Variants in NIBAN3 observed in about 807,000 individuals in gnomAD.
NIBAN3 encodes the protein protein Niban 3.
In NIBAN3, 66 loss-of-function variants were observed where a neutral mutation model predicts 76.4. That is an observed-to-expected ratio of 0.86 (90% CI 0.71 to 1.06). NIBAN3 has a LOEUF of 1.06. NIBAN3 is among the 50% of genes least tolerant of loss of function. The probability of loss-of-function intolerance (pLI) is 0.00; values close to 1 mark genes in which losing one functional copy is unlikely to be tolerated. For synonymous variants in NIBAN3, 360 were observed against 355.2 expected (o/e 1.01, Z -0.15); for missense variants, 808 against 810.7 (o/e 1.00, Z 0.04).
At chr19:17,540,044 G>A (rs372044615) in intron 8 of NIBAN3, 19 of 454,646 alleles carry the variant, frequency 4.2e-5, no homozygotes, top group East Asian at 2.9e-4. Context: ...TACAAAAAGG[G>A]CGGGGCCTCA....
intron 3 of NIBAN3, 143 bp downstream of exon 3, chr19:17,532,531 G>C: frequency 3.7e-6 from 5 of 1,361,226 alleles, no homozygotes; most frequent in Admixed American, 1.7e-5. Flanking sequence ...TATGTGTTTG[G>C]CCTGTTGTAG....
rs1013778573 is a variant in NIBAN3 at position 17,530,901 on chromosome 19, G to C, written c.186+16G>C. 12 of 1,610,520 alleles carry C rather than the reference G, an allele frequency of 7.5e-6. No individual in the cohort carries two copies. The highest frequency in any genetic ancestry group is 1.0e-5 in the Non-Finnish European group (12 of 1,178,754). ...ACGCAGCAAAGTGGGTGTTGTGGGGGCAGAGGACGTTTGAGTGTTAGGGGA... is the reference window on the plus strand; with the variant it reads ...ACGCAGCAAAGTGGGTGTTGTGGGGCCAGAGGACGTTTGAGTGTTAGGGGA... On this transcript the variant is annotated intron_variant, in intron 2 of 14. Transcript: ENST00000599164.
In NIBAN3 at chr19:17,551,830, C is replaced by A; in HGVS notation, c.1795C>A (p.Gln599Lys). 1 of 780,294 alleles carries A rather than the reference C, an allele frequency of 1.3e-6. No homozygotes were observed. The highest frequency in any genetic ancestry group is 2.4e-6 in the Non-Finnish European group (1 of 417,554). 48.3% of individuals were successfully genotyped at this position (780,294 alleles called of 1,614,324 possible). A position where few individuals can be genotyped will look rare whatever the true frequency, so the allele number is the denominator to read the frequency against. Residue 599 changes from glutamine (Q) to lysine (K), a missense_variant, in exon 15 of 15, where the codon CAG becomes AAG. Gln to Lys is a moderately conservative substitution (Grantham distance 53). Coordinates refer to ENST00000599164, the MANE Select transcript of NIBAN3 (RefSeq NM_001321827.2). ...AEREGGACPR[Q>K]PDSGAQIQPL... ...GCGGGAAGGAGGGGCTTGTCCCAGG[C>A]AGCCAGACTCTGGTGCCCAGATCCA... is the stretch of plus-strand genomic sequence containing the variant.
chr19:17,553,871 CT>C (rs368209352), downstream of NIBAN3: 2,196 of 141,038 alleles, frequency 0.016, 5 homozygotes, highest in South Asian at 0.028. Context: ...TTGTTTTTAC[CT>C]TTTTTTTTTT....
chr19:17,537,268 C>A, intron 4 of NIBAN3, 108 bp from the exon 5 acceptor site: 1 of 1,115,522 alleles, frequency 9.0e-7, no homozygotes, highest in Non-Finnish European at 1.3e-6. Flanking sequence ...TGGTATGACT[C>A]ATATTTATCG....
Position 17,552,079 on chromosome 19 carries a change from A to G in NIBAN3, c.*181A>G. 8.4e-6 allele frequency: 3 copies of G among 357,220 alleles called. No homozygotes were observed. Among genetic ancestry groups the G allele is most frequent in the South Asian group, 7.4e-5 (1 of 13,584 alleles). 22.1% of individuals were successfully genotyped at this position (357,220 alleles called of 1,614,324 possible). A position where few individuals can be genotyped will look rare whatever the true frequency, so the allele number is the denominator to read the frequency against. ...TTTTCCCCAAGGCTTTCTTTATTTT[A>G]ATTTTTTTTTTTTTTTTGAGACTGA... On this transcript the variant is annotated 3_prime_UTR_variant, in exon 15 of 15. Coordinates refer to ENST00000599164, the MANE Select transcript of NIBAN3 (RefSeq NM_001321827.2).
Position 17,553,181 on chromosome 19 carries a change from A to T in NIBAN3, c.*1283A>T. 1.5e-6 allele frequency: 2 copies of T among 1,349,230 alleles called. No individual in the cohort carries two copies. Among genetic ancestry groups the T allele is most frequent in the East Asian group, 2.4e-5 (1 of 42,126 alleles). 83.6% of individuals were successfully genotyped at this position (1,349,230 alleles called of 1,614,324 possible). ...TCATAGCTTTTTTCTACTTTTCAGG[A>T]GTGTTTGCATTTTTCTTATTGATAT... On this transcript the variant is annotated 3_prime_UTR_variant, in exon 15 of 15. Coordinates refer to ENST00000599164, the MANE Select transcript of NIBAN3 (RefSeq NM_001321827.2).
intron 13 of NIBAN3, 142 bp downstream of exon 13, chr19:17,546,939 C>G: frequency 9.2e-7 from 1 of 1,088,836 alleles, no homozygotes; most frequent in Non-Finnish European, 1.3e-6. Context: ...TGAGGAGGTC[C>G]AGGGTAGAGG....
intron 2 of NIBAN3, among the ~76,000 whole-genome samples, 177 bp downstream of exon 2, chr19:17,531,062 C>T (rs907816526): frequency 2.0e-5 from 3 of 151,966 alleles, no homozygotes; most frequent in Non-Finnish European, 4.4e-5. Flanking sequence ...GTCTGTAATC[C>T]CAGCACTTTG....
intron 3 of NIBAN3, among the ~76,000 whole-genome samples, chr19:17,533,281 G>A (rs918343540): frequency 6.6e-6 from 1 of 152,012 alleles, no homozygotes; most frequent in Admixed American, 6.6e-5. Flanking sequence ...GTGGTGGCGG[G>A]TGCCTGTAAT....
rs1362756917 is a variant in NIBAN3 at position 17,539,195 on chromosome 19, C to T, written c.641C>T (p.Ala214Val). Reference protein sequence around the residue: ...QAPAARAFLDAVRLYRQHQGH... With the variant: ...QAPAARAFLDVVRLYRQHQGH... ...CCTGCTGCCCGGGCCTTCCTGGACG[C>T]CGTCCGACTCTACCGGCAGCACCAA... The change falls in exon 6 of 15, where the codon GCC becomes GTC. Residue 214 changes from alanine (A) to valine (V), a missense_variant. Physicochemically the swap from Ala to Val is moderately conservative, Grantham distance 64 (BLOSUM62 0). Transcript: ENST00000599164. 2 of 1,606,894 alleles carry T rather than the reference C, an allele frequency of 1.2e-6. No homozygotes were observed. Among genetic ancestry groups the T allele is most frequent in the Non-Finnish European group, 1.7e-6 (2 of 1,177,206 alleles).
chr19:17,548,939 T>TG (rs941702981), intron 13 of NIBAN3, among the ~76,000 whole-genome samples: 1 of 150,682 alleles, frequency 6.6e-6, no homozygotes, highest in African/African-American at 2.4e-5. Flanking sequence ...AAAAAGTTGT[T>TG]TTTTTTTTTT....
chr19:17,543,353 G>T lies in NIBAN3; in HGVS notation c.1366G>T (p.Ala456Ser), dbSNP rs2075989748. The change falls in exon 11 of 15, where the codon GCT becomes TCT. Residue 456 changes from alanine to serine, a missense_variant. Transcript: ENST00000599164. Reference protein sequence around the residue: ...ADAVATFLQLADQCLTTALNC... With the variant: ...ADAVATFLQLSDQCLTTALNC... Reference sequence around the variant, plus strand: ...CGCCGTGGCCACCTTCCTGCAGCTGGCTGACCAGTGTCTGACGACGGCCCT... The same window carrying T: ...CGCCGTGGCCACCTTCCTGCAGCTGTCTGACCAGTGTCTGACGACGGCCCT... The T allele has an allele frequency of 6.3e-7, 1 of 1,586,396 alleles. No individual in the cohort carries two copies. The highest frequency in any genetic ancestry group is 1.7e-5 in the Admixed American group (1 of 58,236).
intron 4 of NIBAN3, among the ~76,000 whole-genome samples, chr19:17,533,924 G>A (rs1161385055): frequency 6.6e-6 from 1 of 152,148 alleles, no homozygotes; most frequent in Non-Finnish European, 1.5e-5. Flanking sequence ...GCGTTGCTAC[G>A]GGTGAGCATC....
chr19:17,532,324 G>A lies in NIBAN3; in HGVS notation c.248G>A (p.Arg83Gln), dbSNP rs897364287. The A allele has an allele frequency of 3.5e-5, 57 of 1,614,118 alleles. No individual in the cohort carries two copies. Among genetic ancestry groups the A allele is most frequent in the Middle Eastern group, 1.6e-4 (1 of 6,062 alleles). Residue 83 changes from arginine (R) to glutamine (Q), a missense_variant, in exon 3 of 15, where the codon CGG (arginine) becomes CAG (glutamine). By Grantham distance (43) the Arg-to-Gln change is conservative. Coordinates refer to ENST00000599164, the MANE Select transcript of NIBAN3 (RefSeq NM_001321827.2). ...ACCCAGCTTCGGGGCCACCCACCCC[G>A]GTGGCAGCCGATCTTCTGTGTTCTG... ...PLTQLRGHPP[R>Q]WQPIFCVLRG...
chr19:17,543,406 GGAGA>G lies in NIBAN3; in HGVS notation c.1423_1426del (p.Arg475SerfsTer6). 6.2e-7 allele frequency: 1 copy of G among 1,612,664 alleles called. No homozygotes were observed. Among genetic ancestry groups the G allele is most frequent in the African/African-American group, 1.3e-5 (1 of 75,032 alleles). On this transcript the variant is annotated frameshift_variant, in exon 11 of 15. Transcript: ENST00000599164. LOFTEE classifies it high-confidence loss of function. ...ACTGTGACCAGGCTGCCCAGAGGCTGGAGAGAGTCAGGGGGCGCGTGCTGAAGGT... is the reference window on the plus strand; with the variant it reads ...ACTGTGACCAGGCTGCCCAGAGGCTGGAGTCAGGGGGCGCGTGCTGAAGGT...
At chr19:17,523,528 G>A (rs2075577097), upstream of NIBAN3, 6 of 1,366,694 alleles carry the variant, frequency 4.4e-6, no homozygotes, top group Non-Finnish European at 6.1e-6. Context: ...GGAGGCCGTG[G>A]CCCCCAGAGC....
intron 2 of NIBAN3, among the ~76,000 whole-genome samples, chr19:17,531,957 C>T (rs2075733715): frequency 1.3e-5 from 2 of 152,208 alleles, no homozygotes; most frequent in African/African-American, 4.8e-5. Flanking sequence ...TTCTCGAGGT[C>T]ACACTACAGA....
chr19:17,526,172 G>A (rs945267763), upstream of NIBAN3, among the ~76,000 whole-genome samples: 3 of 152,198 alleles, frequency 2.0e-5, no homozygotes, highest in East Asian at 1.9e-4. Context: ...AATTAGCCAG[G>A]TGTGGTGGCG....
Sources: gnomAD v4.1 joint callset for allele counts (sites outside exome capture counted in the v4.1 genomes callset) on GRCh38, gnomAD v4.1.1 for gene constraint, MANE v1.5 for transcripts, NCBI Gene and HGNC (gene_info 2026-07-23, HGNC 2026-07-21) for gene names.